The following CFTR variants were observed in gnomAD, a reference collection of about 807,000 sequenced individuals.
CFTR encodes CF transmembrane conductance regulator.
CFTR carries 181 observed loss-of-function variants against 171.6 expected under a neutral mutation model. That is an observed-to-expected ratio of 1.05 (90% CI 0.93 to 1.19). The LOEUF is 1.19. CFTR is among the 50% of genes most tolerant of loss of function. The pLI, the probability that CFTR is intolerant of heterozygous loss-of-function variation, is 0.00. For missense variants in CFTR, 1,968 were observed against 1,734.7 expected (o/e 1.13, Z -2.39); for synonymous variants, 583 against 608.0 (o/e 0.96, Z 0.60).
At chr7:117,511,486 C>G (rs1157071776) in intron 3 of CFTR, among the ~76,000 whole-genome samples, 1 of 152,178 alleles carries the variant, frequency 6.6e-6, no homozygotes, top group Non-Finnish European at 1.5e-5. Flanking sequence ...GAGCCCGAGG[C>G]TACAGCTTTG....
At chr7:117,514,702 T>C (rs1164874323) in intron 3 of CFTR, among the ~76,000 whole-genome samples, 2 of 152,262 alleles carry the variant, frequency 1.3e-5, no homozygotes, top group Non-Finnish European at 1.5e-5. Flanking sequence ...TCAAATGGCA[T>C]TTCTGGTTCT....
chr7:117,576,701 G>C (rs1280983540), intron 11 of CFTR, among the ~76,000 whole-genome samples: 2 of 152,064 alleles, frequency 1.3e-5, no homozygotes, highest in African/African-American at 4.8e-5. Context: ...AGACAAGTGA[G>C]GGCTAGGATC....
chr7:117,582,430 G>A (rs973495350), intron 11 of CFTR, among the ~76,000 whole-genome samples: 6 of 152,178 alleles, frequency 3.9e-5, no homozygotes, highest in South Asian at 2.1e-4. Context: ...TGACTCAGGA[G>A]AAAGGACACT....
At chr7:117,649,279 T>G (rs77573866) in intron 23 of CFTR, among the ~76,000 whole-genome samples, 4 of 119,722 alleles carry the variant, frequency 3.3e-5, no homozygotes, top group South Asian at 2.5e-4. Flanking sequence ...ATACATGGGA[T>G]GTGTGTGTGT....
intron 15 of CFTR, among the ~76,000 whole-genome samples, chr7:117,597,241 C>A (rs1792145722): frequency 6.6e-6 from 1 of 152,172 alleles, no homozygotes; most frequent in Admixed American, 6.5e-5. Flanking sequence ...ACGAACCCAC[C>A]AGAAGAAAGA....
At chr7:117,649,324 A>C (rs1332672945) in intron 23 of CFTR, among the ~76,000 whole-genome samples, 1 of 149,348 alleles carries the variant, frequency 6.7e-6, no homozygotes, top group Non-Finnish European at 1.5e-5. Flanking sequence ...GTGTATATAT[A>C]TATGGCAGTA....
At position 117,592,373 on chromosome 7, in the gene CFTR, C is replaced by T. The variant is rs1792043921; in HGVS notation, c.2206C>T (p.Leu736=). The change falls in exon 14 of 27, where the codon CTG becomes TTG. Residue 736 remains leucine (L), a synonymous_variant. Transcript: ENST00000003084. The part of the protein sequence containing the change: ...EDSDEPLERR[L]SLVPDSEQGE... ...TTCTGATGAGCCTTTAGAGAGAAGG[C>T]TGTCCTTAGTACCAGATTCTGAGCA... is the stretch of plus-strand genomic sequence containing the variant. 1 of 1,614,174 alleles carries T rather than the reference C, an allele frequency of 6.2e-7. No homozygotes were observed. Among genetic ancestry groups the T allele is most frequent in the Non-Finnish European group, 8.5e-7 (1 of 1,180,004 alleles).
At chr7:117,481,962 TC>T (rs1798006500) in intron 1 of CFTR, among the ~76,000 whole-genome samples, 1 of 152,318 alleles carries the variant, frequency 6.6e-6, no homozygotes, top group East Asian at 1.9e-4. Context: ...TTGGAGACTG[TC>T]ATAGGGGTTA....
chr7:117,542,523 G>A (rs1278574980), intron 9 of CFTR, among the ~76,000 whole-genome samples: 1 of 151,582 alleles, frequency 6.6e-6, no homozygotes, highest in Non-Finnish European at 1.5e-5. Flanking sequence ...CTCCAGCCTG[G>A]GCAACAAGGC....
At chr7:117,651,612 G>A (rs2896228) in intron 23 of CFTR, among the ~76,000 whole-genome samples, 1 of 152,102 alleles carries the variant, frequency 6.6e-6, no homozygotes, top group Non-Finnish European at 1.5e-5. Context: ...GTACCTTTCA[G>A]GAAGGTGATT....
rs1468130932 is a variant in CFTR at position 117,613,997 on chromosome 7, A to ATG, written c.3368-615_3368-614insGT. Among the ~76,000 whole-genome samples the ATG allele has an allele frequency of 6.5e-3, 853 of 131,810 alleles. 14 individuals are homozygous for ATG. The highest frequency in any genetic ancestry group is 0.024 in the African/African-American group (797 of 33,192). 86.5% of individuals were successfully genotyped at this position (131,810 alleles called of 152,430 possible). A position where few individuals can be genotyped will look rare whatever the true frequency, so the allele number is the denominator to read the frequency against. On this transcript the variant is annotated intron_variant, in intron 20 of 26. Transcript: ENST00000003084. ...AGTGTTGTTCTTCCCAGGTACAGTAATCTTTTTTTTTTTTTTTTTTTTTTT... is the reference window on the plus strand; with the variant it reads ...AGTGTTGTTCTTCCCAGGTACAGTAATGTCTTTTTTTTTTTTTTTTTTTTTTT...
At chr7:117,590,536 T>C in intron 13 of CFTR, 97 bp downstream of exon 13, 2 of 1,399,150 alleles carry the variant, frequency 1.4e-6, no homozygotes, top group Non-Finnish European at 1.9e-6. Context: ...TTGAGAAATA[T>C]GTTCACCATT....
chr7:117,560,141 T>C (rs1010179027), intron 11 of CFTR, among the ~76,000 whole-genome samples: 1 of 152,114 alleles, frequency 6.6e-6, no homozygotes, highest in African/African-American at 2.4e-5. Flanking sequence ...TGTGAAGATA[T>C]TGTATCCCTG....
intron 24 of CFTR, among the ~76,000 whole-genome samples, chr7:117,656,954 A>G (rs189386236): frequency 7.9e-5 from 12 of 152,298 alleles, no homozygotes; most frequent in Admixed American, 6.5e-4. Flanking sequence ...CCCTAATAAA[A>G]TGTACTTAGA....
In CFTR at chr7:117,530,999, T is replaced by C. The variant is rs141723617; in HGVS notation, c.374T>C (p.Ile125Thr). ...EERSIAIYLG[I>T]GLCLLFIVRT... ...CGCTCTATCGCGATTTATCTAGGCATAGGCTTATGCCTTCTCTTTATTGTG... is the reference window on the plus strand; with the variant it reads ...CGCTCTATCGCGATTTATCTAGGCACAGGCTTATGCCTTCTCTTTATTGTG... Residue 125 changes from isoleucine to threonine, a missense_variant, in exon 4 of 27, where the codon ATA becomes ACA. Physicochemically the swap from Ile to Thr is moderately conservative, Grantham distance 89. Transcript: ENST00000003084. The C allele has an allele frequency of 2.0e-4, 316 of 1,613,832 alleles. 2 individuals are homozygous for C. The East Asian group carries it at 6.0e-3, about 31-fold the overall frequency.
rs2116060958 is a variant in CFTR, at chr7:117,603,518, T to C, written c.2658-14T>C. ...CTTTGGCTGCCAAATAACGATTTCC[T>C]ATTTGCTTTACAGCACTCCTCTTCA... On this transcript the variant is annotated splice_polypyrimidine_tract_variant and intron_variant, in intron 16 of 26. Transcript: ENST00000003084. 6.2e-7 allele frequency: 1 copy of C among 1,613,830 alleles called. No individual in the cohort carries two copies. Among genetic ancestry groups the C allele is most frequent in the Non-Finnish European group, 8.5e-7 (1 of 1,179,864 alleles).
chr7:117,599,197 A>G (rs1792184988), intron 15 of CFTR, among the ~76,000 whole-genome samples: 1 of 152,182 alleles, frequency 6.6e-6, no homozygotes, highest in Non-Finnish European at 1.5e-5. Context: ...GTCTGTGCCC[A>G]TTTAATCTTA....
At chr7:117,634,266 G>A (rs1304402874) in intron 22 of CFTR, among the ~76,000 whole-genome samples, 1 of 152,052 alleles carries the variant, frequency 6.6e-6, no homozygotes, top group Non-Finnish European at 1.5e-5. Context: ...ATATGTCAAC[G>A]TAGAGTTATT....
intron 3 of CFTR, among the ~76,000 whole-genome samples, chr7:117,520,860 G>A (rs1798674386): frequency 6.6e-6 from 1 of 151,872 alleles, no homozygotes; most frequent in Non-Finnish European, 1.5e-5. Flanking sequence ...GAGACTGACA[G>A]TCCCTACTCT....
Sources: gnomAD v4.1 joint callset for allele counts (sites outside exome capture counted in the v4.1 genomes callset) on GRCh38, gnomAD v4.1.1 for gene constraint, MANE v1.5 for transcripts, NCBI Gene and HGNC (gene_info 2026-07-23, HGNC 2026-07-21) for gene names.